Variants in PARVG observed in about 807,000 individuals in gnomAD.
PARVG encodes the protein parvin gamma.
A neutral mutation model predicts 44.4 loss-of-function variants in PARVG; 36 were observed. That is an observed-to-expected ratio of 0.81 (90% CI 0.62 to 1.07). The LOEUF (loss-of-function observed/expected upper bound fraction) is 1.07. Among genes scored for constraint, PARVG ranks in the 50% least tolerant of loss-of-function variants. The pLI, the probability that PARVG is intolerant of heterozygous loss-of-function variation, is 0.00. For missense variants in PARVG, 407 were observed against 407.4 expected, an observed-to-expected ratio of 1.00 and a Z score of 0.01; for synonymous variants, 170 against 174.1, an observed-to-expected ratio of 0.98 and a Z score of 0.19.
At chr22:44,174,255 C>G (rs1261187393) in intron 1 of PARVG, among the ~76,000 whole-genome samples, 1 of 151,784 alleles carries the variant, frequency 6.6e-6, no homozygotes, top group African/African-American at 2.4e-5. Context: ...GCAGGTGGGG[C>G]AGGGGGGTGG....
intron 1 of PARVG, among the ~76,000 whole-genome samples, chr22:44,174,523 A>G (rs1472205640): frequency 1.3e-5 from 2 of 151,568 alleles, no homozygotes; most frequent in African/African-American, 4.9e-5. Flanking sequence ...CCTGGCCAAC[A>G]TGACAAAACC....
rs1403504076 is a variant in PARVG, at chr22:44,182,950, A to G, written c.-12-368A>G. 1.3e-5 allele frequency: 3 copies of G among 239,330 alleles called. No homozygotes were observed. The highest frequency in any genetic ancestry group is 2.4e-5 in the Non-Finnish European group (3 of 123,244). 14.8% of individuals were successfully genotyped at this position (239,330 alleles called of 1,614,324 possible). ...TCAACCTGACAAGCTCTGAGGAGTG[A>G]GCTGTACCTACTTTGTCCTGTCTGG... is the stretch of plus-strand genomic sequence containing the variant. On this transcript the variant is annotated intron_variant, in intron 2 of 13. Coordinates refer to ENST00000444313, the MANE Select transcript of PARVG (RefSeq NM_022141.7). The surrounding 1 kb of genome is among the most constrained non-coding windows in gnomAD (Gnocchi z 4.6).
At chr22:44,173,446 T>G (rs765634351) in intron 1 of PARVG, among the ~76,000 whole-genome samples, 2 of 152,110 alleles carry the variant, frequency 1.3e-5, no homozygotes, top group Non-Finnish European at 2.9e-5. Flanking sequence ...GCACAGGTCA[T>G]AGCAGGTTTC....
At chr22:44,181,719 A>AC in intron 1 of PARVG, 23 bp from the exon 2 acceptor site, 3 of 984,478 alleles carry the variant, frequency 3.0e-6, no homozygotes, top group South Asian at 4.7e-5. Context: ...CACGGCATCC[A>AC]CCCCCCTCGG....
At chr22:44,188,054 C>G (rs1601733270) in intron 5 of PARVG, 176 bp downstream of exon 5, 1 of 673,820 alleles carries the variant, frequency 1.5e-6, no homozygotes, top group African/African-American at 1.8e-5. Context: ...TGTCCACAGC[C>G]CATGAGTGAG....
chr22:44,205,853 A>C, intron 13 of PARVG, 24 bp downstream of exon 13: 1 of 1,609,948 alleles, frequency 6.2e-7, no homozygotes, highest in Non-Finnish European at 8.5e-7. Context: ...AGATGCCCAC[A>C]CGGTGGCCAG....
chr22:44,205,959 G>A (rs2054775323), intron 13 of PARVG, 130 bp downstream of exon 13: 1 of 1,127,064 alleles, frequency 8.9e-7, no homozygotes, highest in East Asian at 2.6e-5. Context: ...TGGCAGGGGT[G>A]GAGAATGGGC....
At chr22:44,200,038 C>T (rs1430674522) in intron 12 of PARVG, among the ~76,000 whole-genome samples, 1 of 151,976 alleles carries the variant, frequency 6.6e-6, no homozygotes, top group Admixed American at 6.6e-5. Context: ...AGATGCAGCT[C>T]CCACCGCCTC....
At chr22:44,183,992 G>C (rs945747740) in intron 3 of PARVG, 4 of 187,386 alleles carry the variant, frequency 2.1e-5, no homozygotes, top group Non-Finnish European at 4.4e-5. Context: ...GCAATTCAAC[G>C]ACTATAGGTC....
intron 13 of PARVG, 37 bp downstream of exon 13, chr22:44,205,866 C>G: frequency 6.2e-7 from 1 of 1,603,328 alleles, no homozygotes; most frequent in Non-Finnish European, 8.5e-7. Context: ...GTGGCCAGCC[C>G]TGGGTGGCAG....
Position 44,193,849 on chromosome 22 carries a change from A to G in PARVG, c.583+26A>G, listed in dbSNP as rs777025886. 6.8e-6 allele frequency: 11 copies of G among 1,613,452 alleles called. No individual in the cohort carries two copies. The Admixed American group carries it at 1.8e-4, about 27-fold the overall frequency. On this transcript the variant is annotated intron_variant, in intron 9 of 13. Transcript: ENST00000444313. ...GTGAGTACTTTCATCATTTTTGGAA[A>G]TCTGTTCCTATCTGATGCGTGTTAA... is the stretch of plus-strand genomic sequence containing the variant.
In PARVG at chr22:44,198,711, C is replaced by T. The variant is rs1031939388; in HGVS notation, c.802C>T (p.Pro268Ser). The change falls in exon 12 of 14, where the codon CCT becomes TCT. Residue 268 changes from proline to serine, a missense_variant. Pro to Ser is a moderately conservative substitution (Grantham distance 74, BLOSUM62 -1). Coordinates refer to ENST00000444313, the MANE Select transcript of PARVG (RefSeq NM_022141.7). ...GGAATTCTACCTCACTCCCAACTCT[C>T]CTGCAGAAATGGTAAGTTTTCCAAG... ...LKEFYLTPNS[P>S]AEMLHNVTLA... is the part of the protein sequence containing the mutation. 1.6e-5 allele frequency: 25 copies of T among 1,609,512 alleles called. No homozygotes were observed. The African/African-American group carries it at 1.6e-4, about 10-fold the overall frequency.
In PARVG at chr22:44,196,338, C is replaced by T; in HGVS notation, c.643-9C>T. On this transcript the variant is annotated splice_polypyrimidine_tract_variant and intron_variant, in intron 10 of 13. Transcript: ENST00000444313. Reference sequence around the variant, plus strand: ...GCTGTGTGCTAGGCCCTTGTTCTTCCCTGGTTAGGCCATCGTGAACTTTGT... The same window carrying T: ...GCTGTGTGCTAGGCCCTTGTTCTTCTCTGGTTAGGCCATCGTGAACTTTGT... The T allele has an allele frequency of 6.2e-7, 1 of 1,614,178 alleles. No homozygotes were observed. The highest frequency in any genetic ancestry group is 8.5e-7 in the Non-Finnish European group (1 of 1,180,034).
intron 3 of PARVG, chr22:44,185,509 T>G: frequency 1.1e-5 from 3 of 268,316 alleles, no homozygotes; most frequent in South Asian, 4.2e-5. Context: ...CTGGCTGGGG[T>G]TTCACTTTAC....
chr22:44,183,167 C>A, intron 2 of PARVG, 151 bp from the exon 3 acceptor site: 1 of 645,136 alleles, frequency 1.6e-6, no homozygotes, highest in Admixed American at 3.5e-5. Flanking sequence ...TCTCACAGGG[C>A]CCGTACCCCC....
intron 3 of PARVG, 97 bp from the exon 4 acceptor site, chr22:44,185,710 TG>T: frequency 9.7e-7 from 1 of 1,034,576 alleles, no homozygotes; most frequent in Non-Finnish European, 1.4e-6. Context: ...CCGGTGCCCC[TG>T]GGTCTGCGGT....
At chr22:44,183,744 G>A (rs963921062) in intron 3 of PARVG, 27 of 407,962 alleles carry the variant, frequency 6.6e-5, no homozygotes, top group Non-Finnish European at 1.1e-4. Context: ...ATCAGTGCCT[G>A]CTTTATACAG....
chr22:44,186,100 C>A, intron 4 of PARVG: 1 of 383,412 alleles, frequency 2.6e-6, no homozygotes, highest in Non-Finnish European at 5.0e-6. Context: ...ATACACCATC[C>A]CAGCAACCCC....
chr22:44,174,727 C>A (rs951550477), intron 1 of PARVG, among the ~76,000 whole-genome samples: 1 of 151,726 alleles, frequency 6.6e-6, no homozygotes, highest in Non-Finnish European at 1.5e-5. Flanking sequence ...CAGAGTGAGA[C>A]TCTGCCTCAA....
Sources: gnomAD v4.1 joint callset for allele counts (sites outside exome capture counted in the v4.1 genomes callset) on GRCh38, gnomAD v4.1.1 for gene constraint, Gnocchi (gnomAD v3.1) non-coding constraint, MANE v1.5 for transcripts, NCBI Gene and HGNC (gene_info 2026-07-23, HGNC 2026-07-21) for gene names.